Variants in SLC25A22 observed in about 807,000 individuals in gnomAD.
SLC25A22 encodes the protein solute carrier family 25 member 22, also known as mitochondrial glutamate carrier 1.
A neutral mutation model predicts 33.7 loss-of-function variants in SLC25A22; 23 were observed. That is an observed-to-expected ratio of 0.68 (90% CI 0.49 to 0.97). SLC25A22 has a LOEUF of 0.97. Ranked by LOEUF, SLC25A22 falls within the 50% of genes least tolerant of loss-of-function variation. The pLI, the probability that SLC25A22 is intolerant of heterozygous loss-of-function variation, is 0.00. For synonymous variants in SLC25A22, 245 were observed against 203.8 expected (o/e 1.20, Z -1.72); for missense variants, 390 against 451.1 (o/e 0.86, Z 1.23).
intron 5 of SLC25A22, 81 bp from the exon 6 acceptor site, chr11:793,069 G>T (rs1294176935): frequency 7.4e-7 from 1 of 1,349,358 alleles, no homozygotes; most frequent in Non-Finnish European, 1.0e-6. Flanking sequence ...ATGCCTGGGC[G>T]CAGAGGATGG....
At position 791,728 on chromosome 11, in the gene SLC25A22, G is replaced by T; in HGVS notation, c.*187C>A. 1 of 701,024 alleles carries T rather than the reference G, an allele frequency of 1.4e-6. No homozygotes were observed. The highest frequency in any genetic ancestry group is 2.3e-6 in the Non-Finnish European group (1 of 429,574). 43.4% of individuals were successfully genotyped at this position (701,024 alleles called of 1,614,324 possible). On this transcript the variant is annotated 3_prime_UTR_variant, in exon 10 of 10. Coordinates refer to ENST00000628067, the MANE Select transcript of SLC25A22 (RefSeq NM_001191061.2). ...ACATAAATGAGACATTGATCCCAAC[G>T]GTGCAGGCAGCACCCCGGGGGGCTT...
At position 792,013 on chromosome 11, in the gene SLC25A22, C is replaced by T. The variant is rs369729483; in HGVS notation, c.874G>A (p.Ala292Thr). ...SAFLKGAYCRALVIAPLFGIA... is the reference protein window; with the variant it reads ...SAFLKGAYCRTLVIAPLFGIA... ...CCGAAAAGGGGCGCGATGACCAGCGCGCGGCAGTAGGCGCCCTTCAGGAAG... is the reference window on the plus strand; with the variant it reads ...CCGAAAAGGGGCGCGATGACCAGCGTGCGGCAGTAGGCGCCCTTCAGGAAG... Residue 292 changes from alanine (A) to threonine (T), a missense_variant, in exon 10 of 10, where the codon GCG (alanine) becomes ACG (threonine). Transcript: ENST00000628067. 1.3e-5 allele frequency: 21 copies of T among 1,606,884 alleles called. No homozygotes were observed. Among genetic ancestry groups the T allele is most frequent in the East Asian group, 4.5e-5 (2 of 44,518 alleles).
intron 7 of SLC25A22, 42 bp downstream of exon 7, chr11:792,511 G>A (rs1864581565): frequency 3.7e-6 from 6 of 1,612,552 alleles, no homozygotes; most frequent in South Asian, 1.1e-5. Flanking sequence ...TGGGCAGGCC[G>A]GCCTCCCCCT....
At chr11:794,591 G>A in intron 3 of SLC25A22, 78 bp from the exon 4 acceptor site, 3 of 1,566,692 alleles carry the variant, frequency 1.9e-6, no homozygotes, top group Non-Finnish European at 2.6e-6. Flanking sequence ...GTCTAGGGCT[G>A]ATAGAAGAGG....
rs900254990 is a variant in SLC25A22 at position 790,484 on chromosome 11, AATAT to A, written c.*1427_*1430del. On this transcript the variant is annotated 3_prime_UTR_variant, in exon 10 of 10. Transcript: ENST00000628067. ...CAGACAGACAGCAGCATCTACTTAG[AATAT>A]TTATTTATTCTCTGACATGACAAGA... The A allele has an allele frequency of 6.6e-6, 1 of 152,202 alleles. No individual in the cohort carries two copies. Among genetic ancestry groups the A allele is most frequent in the African/African-American group, 2.4e-5 (1 of 41,432 alleles). 9.4% of individuals were successfully genotyped at this position (152,202 alleles called of 1,614,324 possible).
Position 793,564 on chromosome 11 carries a change from G to T in SLC25A22, c.258C>A (p.Ala86=). The change falls in exon 5 of 10, where the codon GCC becomes GCA. Residue 86 remains alanine, a synonymous_variant. Coordinates refer to ENST00000628067, the MANE Select transcript of SLC25A22 (RefSeq NM_001191061.2). ...VTPEKAIKLA[A]NDFFRHQLSK... is the part of the protein sequence containing the mutation. ...AGAGCTGATGTCGGAAGAAGTCGTT[G>T]GCTGCCAGCTTGATGGCCTTCTCGG... 6.2e-7 allele frequency: 1 copy of T among 1,613,338 alleles called. No individual in the cohort carries two copies.
rs1342345263 is a variant in SLC25A22, at chr11:797,391, G to A, written c.-164+826C>T. 7.8e-6 allele frequency: 3 copies of A among 385,000 alleles called. 1 individual carries two copies. Among genetic ancestry groups the A allele is most frequent in the South Asian group, 2.9e-4 (2 of 6,914 alleles). 23.8% of individuals were successfully genotyped at this position (385,000 alleles called of 1,614,324 possible). ...CTGGTTTATGAGACAGCTGGCCAGG[G>A]CCCTCCCCCTGCACTGATGTTGCTA... On this transcript the variant is annotated intron_variant, in intron 1 of 9. Transcript: ENST00000628067.
At chr11:793,105 C>T in intron 5 of SLC25A22, 117 bp from the exon 6 acceptor site, 1 of 966,122 alleles carries the variant, frequency 1.0e-6, no homozygotes, top group Non-Finnish European at 1.6e-6. Context: ...CAGATGCAGG[C>T]CTGTGGGGGT....
chr11:794,619 C>T (rs909900056), intron 3 of SLC25A22, 106 bp from the exon 4 acceptor site: 3 of 1,532,066 alleles, frequency 2.0e-6, no homozygotes, highest in African/African-American at 2.7e-5. Context: ...CTCAGCCCAG[C>T]CCCGACCCCA....
chr11:795,521 C>T (rs938668688), intron 1 of SLC25A22: 2 of 324,924 alleles, frequency 6.2e-6, no homozygotes, highest in Non-Finnish European at 1.2e-5. Flanking sequence ...ACCGGAGCAC[C>T]TCGACCTGGA....
rs1864936430 is a variant in SLC25A22, at chr11:798,165, C to G, written c.-164+52G>C. 9 of 397,734 alleles carry G rather than the reference C, an allele frequency of 2.3e-5. No homozygotes were observed. In the South Asian group the frequency reaches 1.1e-3, roughly 51 times the overall value. 24.6% of individuals were successfully genotyped at this position (397,734 alleles called of 1,614,324 possible). On this transcript the variant is annotated intron_variant, in intron 1 of 9. Transcript: ENST00000628067. ...CGCAGCACCTCTCGCCCCCGCAGCC[C>G]GGCCGCGTTCGGATGGGCGCAGCAG...
chr11:792,329 G>A lies in SLC25A22; in HGVS notation c.717C>T (p.Ala239=), dbSNP rs545592967. ...FLAGCVAGSA[A]AVAVNPCDVV... Reference sequence around the variant, plus strand: ...CATCACAGGGGTTGACGGCCACAGCGGCGGCACTCCCAGCCACACAGCCGG... The same window carrying A: ...CATCACAGGGGTTGACGGCCACAGCAGCGGCACTCCCAGCCACACAGCCGG... The change falls in exon 8 of 10, where the codon GCC becomes GCT. Residue 239 remains alanine, a synonymous_variant. Coordinates refer to ENST00000628067, the MANE Select transcript of SLC25A22 (RefSeq NM_001191061.2). The A allele has an allele frequency of 3.0e-5, 49 of 1,613,132 alleles. No homozygotes were observed. Among genetic ancestry groups the A allele is most frequent in the East Asian group, 1.8e-4 (8 of 44,876 alleles).
chr11:791,901 AGCGGGTGCTGG>A lies in SLC25A22; in HGVS notation c.*3_*13del. The A allele has an allele frequency of 6.3e-7, 1 of 1,584,274 alleles. No individual in the cohort carries two copies. The highest frequency in any genetic ancestry group is 8.5e-7 in the Non-Finnish European group (1 of 1,172,486). ...GGCCCTGCCCAGCTGGCTGGGGTGG[AGCGGGTGCTGG>A]GCTCAGGCCTGGGGGTCCTGCAGCA... On this transcript the variant is annotated 3_prime_UTR_variant, in exon 10 of 10. Transcript: ENST00000628067.
In SLC25A22 at chr11:798,269, C is replaced by T; in HGVS notation, c.-216G>A. The T allele has an allele frequency of 2.6e-6, 1 of 382,810 alleles. No individual in the cohort carries two copies. Among genetic ancestry groups the T allele is most frequent in the Non-Finnish European group, 4.6e-6 (1 of 215,982 alleles). 23.7% of individuals were successfully genotyped at this position (382,810 alleles called of 1,614,324 possible). The stretch of plus-strand genomic sequence containing the variant: ...CTGCCCGCCCCGCGCTCGGCCAGCA[C>T]CTAGGCGGGGAGGCGCGTCCGCTCG... On this transcript the variant is annotated 5_prime_UTR_variant, in exon 1 of 10. It adds an upstream start codon to the 5' untranslated region. Transcript: ENST00000628067.
chr11:795,402 GC>G lies in SLC25A22; in HGVS notation c.-163-234del, dbSNP rs1864763618. ...CCCACCGCCAGCGTCTTCCCAGCCAGCCTCACACGCCGCTCACGCTCGGGGC... is the reference window on the plus strand; with the variant it reads ...CCCACCGCCAGCGTCTTCCCAGCCAGCTCACACGCCGCTCACGCTCGGGGC... On this transcript the variant is annotated intron_variant, in intron 1 of 9. Transcript: ENST00000628067. 3 of 314,832 alleles carry G rather than the reference GC, an allele frequency of 9.5e-6. No homozygotes were observed. The African/African-American group carries it at 1.0e-4, about 11-fold the overall frequency. 19.5% of individuals were successfully genotyped at this position (314,832 alleles called of 1,614,324 possible). A position where few individuals can be genotyped will look rare whatever the true frequency, so the allele number is the denominator to read the frequency against.
intron 6 of SLC25A22, 32 bp downstream of exon 6, chr11:792,838 C>G: frequency 6.4e-7 from 1 of 1,571,814 alleles, no homozygotes; most frequent in Non-Finnish European, 8.7e-7. Context: ...TCCCGCACCT[C>G]TGCCCTCTCC....
chr11:790,806 AG>A lies in SLC25A22; in HGVS notation c.*1108del, dbSNP rs1344851112. On this transcript the variant is annotated 3_prime_UTR_variant, in exon 10 of 10. Transcript: ENST00000628067. ...CTCACAGCAGGGATCGCCCGGTGGC[AG>A]GGGGGATGGGGCTTCTGAAGTGTGG... The A allele has an allele frequency of 6.5e-6, 1 of 152,686 alleles. No individual in the cohort carries two copies. Among genetic ancestry groups the A allele is most frequent in the Non-Finnish European group, 1.5e-5 (1 of 68,282 alleles). 9.5% of individuals were successfully genotyped at this position (152,686 alleles called of 1,614,324 possible).
At chr11:793,046 G>C (rs1015292525) in intron 5 of SLC25A22, 58 bp from the exon 6 acceptor site, 4 of 1,535,446 alleles carry the variant, frequency 2.6e-6, no homozygotes, top group Non-Finnish European at 2.7e-6. Flanking sequence ...TGCCACCCTC[G>C]GGGCTGCCCA....
At position 792,377 on chromosome 11, in the gene SLC25A22, C is replaced by T. The variant is rs1393878147; in HGVS notation, c.669G>A (p.Ser223=). Residue 223 remains serine (S), a synonymous_variant, in exon 8 of 10, where the codon TCG becomes TCA. Coordinates refer to ENST00000628067, the MANE Select transcript of SLC25A22 (RefSeq NM_001191061.2). The stretch of plus-strand genomic sequence containing the variant: ...CGGCCAGGAAGGACACGTAGAAAGG[C>T]GACTTCTCCTCGGACGCCGGGCGGC... ...QLGRPASEEK[S]PFYVSFLAGC... 10 of 1,613,310 alleles carry T rather than the reference C, an allele frequency of 6.2e-6. No homozygotes were observed. The highest frequency in any genetic ancestry group is 3.3e-5 in the Admixed American group (2 of 60,030).
Sources: gnomAD v4.1 joint callset for allele counts on GRCh38, gnomAD v4.1.1 for gene constraint, MANE v1.5 for transcripts, NCBI Gene and HGNC (gene_info 2026-07-23, HGNC 2026-07-21) for gene names.